The following BRIP1 variants were observed in gnomAD, a reference collection of about 807,000 sequenced individuals.
BRIP1 encodes the protein BRCA1 interacting DNA helicase 1.
Under a neutral mutation model 119.7 loss-of-function variants are expected in BRIP1, and 88 were observed. The ratio of observed to expected loss-of-function variants is 0.74; its 90% CI spans 0.62 to 0.88. The LOEUF is 0.88. BRIP1 is among the 40% of genes least tolerant of loss of function. BRIP1 has a pLI of 0.00. For missense variants in BRIP1, 1,259 were observed against 1,455.4 expected (o/e 0.87, Z 2.20); for synonymous variants, 443 against 496.5 (o/e 0.89, Z 1.43).
At chr17:61,847,876 G>C (rs1429196990) in intron 5 of BRIP1, among the ~76,000 whole-genome samples, 1 of 152,176 alleles carries the variant, frequency 6.6e-6, no homozygotes, top group East Asian at 1.9e-4. Flanking sequence ...ATGAGAACCA[G>C]TGAAGTGAGG....
rs749920386 is a variant in BRIP1, at chr17:61,859,828, C to T, written c.173G>A (p.Cys58Tyr). ...AGATTGTTGCCATGCTAAAGCAGAACAAAGTAAGGCTAAGCTTTTTCCACT... is the reference window on the plus strand; with the variant it reads ...AGATTGTTGCCATGCTAAAGCAGAATAAAGTAAGGCTAAGCTTTTTCCACT... ...TGSGKSLALL[C>Y]SALAWQQSLS... Residue 58 changes from cysteine to tyrosine, a missense_variant, in exon 3 of 20, where the codon TGT becomes TAT. Coordinates refer to ENST00000259008, the MANE Select transcript of BRIP1 (RefSeq NM_032043.3). The T allele has an allele frequency of 3.3e-5, 54 of 1,613,730 alleles. No individual in the cohort carries two copies. In the Admixed American group the frequency reaches 8.5e-4, roughly 25 times the overall value.
chr17:61,770,377 G>C lies in BRIP1; in HGVS notation c.2097+6024C>G, dbSNP rs1249560701. 6.6e-6 allele frequency among the ~76,000 whole-genome samples: 1 copy of C among 152,154 alleles called. No individual in the cohort carries two copies. Among genetic ancestry groups the C allele is most frequent in the African/African-American group, 2.4e-5 (1 of 41,438 alleles). On this transcript the variant is annotated intron_variant, in intron 14 of 19. Coordinates refer to ENST00000259008, the MANE Select transcript of BRIP1 (RefSeq NM_032043.3). This position sits in a 1 kb window ranked among gnomAD's most constrained non-coding sequence, Gnocchi z 4.7. ...AGAATAAGTTTTTAGGGACATTGGA[G>C]AGTAACTCAAGTCCACATTAAGAAT...
In BRIP1 at chr17:61,752,044, G is replaced by C. The variant is rs1027152797; in HGVS notation, c.2098-7453C>G. ...AGCCTCCCAAAGTGCCGGGATCACA[G>C]GCATGACCCACTGCGCCTGGCCAGA... On this transcript the variant is annotated intron_variant, in intron 14 of 19. Transcript: ENST00000259008. The surrounding 1 kb of genome is among the most constrained non-coding windows in gnomAD (Gnocchi z 6.2). Among the ~76,000 whole-genome samples, 6 of 152,106 alleles carry C rather than the reference G, an allele frequency of 3.9e-5. No individual in the cohort carries two copies. The highest frequency in any genetic ancestry group is 8.8e-5 in the Non-Finnish European group (6 of 68,030).
chr17:61,847,348 A>T, intron 5 of BRIP1, 128 bp from the exon 6 acceptor site: 1 of 1,015,862 alleles, frequency 9.8e-7, no homozygotes, highest in African/African-American at 1.6e-5. Flanking sequence ...TCTAACAGGC[A>T]ATAATAAAAG....
In BRIP1 at chr17:61,853,106, C is replaced by T. The variant is rs192811557; in HGVS notation, c.380-3850G>A. ...AACAACTGTAGAACAGATTAATAAA[C>T]TGTGGTATATTCATACAAGGAAATA... On this transcript the variant is annotated intron_variant, in intron 4 of 19. Coordinates refer to ENST00000259008, the MANE Select transcript of BRIP1 (RefSeq NM_032043.3). The surrounding 1 kb of genome is among the most constrained non-coding windows in gnomAD (Gnocchi z 4.3). 6.6e-6 allele frequency among the ~76,000 whole-genome samples: 1 copy of T among 152,116 alleles called. No individual in the cohort carries two copies. Among genetic ancestry groups the T allele is most frequent in the Non-Finnish European group, 1.5e-5 (1 of 68,026 alleles).
In BRIP1 at chr17:61,803,474, C is replaced by G. The variant is rs1022534705; in HGVS notation, c.919-2000G>C. On this transcript the variant is annotated intron_variant, in intron 7 of 19. Transcript: ENST00000259008. The surrounding 1 kb of genome is among the most constrained non-coding windows in gnomAD (Gnocchi z 4.3). ...TCCCAACATTTTGAGAGGCCAAGGC[C>G]GGAGGACTGCATGAGCCTAGGAGTT... Among the ~76,000 whole-genome samples the G allele has an allele frequency of 6.6e-6, 1 of 151,786 alleles. No homozygotes were observed. The highest frequency in any genetic ancestry group is 1.5e-5 in the Non-Finnish European group (1 of 67,960).
chr17:61,858,825 A>G (rs1278628562), intron 3 of BRIP1, among the ~76,000 whole-genome samples: 1 of 152,194 alleles, frequency 6.6e-6, no homozygotes, highest in Non-Finnish European at 1.5e-5. Flanking sequence ...AATGTATCCA[A>G]TATTATATTT....
intron 6 of BRIP1, among the ~76,000 whole-genome samples, chr17:61,820,931 C>T (rs1028562940): frequency 1.4e-5 from 2 of 143,004 alleles, no homozygotes; most frequent in East Asian, 2.0e-4. Flanking sequence ...GCCTGGGCAA[C>T]GAAGCGAGAC....
chr17:61,727,339 G>A (rs1484377423), intron 16 of BRIP1, among the ~76,000 whole-genome samples: 1 of 152,092 alleles, frequency 6.6e-6, no homozygotes, highest in Admixed American at 6.6e-5. Context: ...AAGCAAGAGC[G>A]AGCATGTACA....
Position 61,808,521 on chromosome 17 carries a change from T to C in BRIP1, c.864A>G (p.Val288=), listed in dbSNP as rs748545827. The change falls in exon 7 of 20, where the codon GTA becomes GTG. Residue 288 remains valine (V), a synonymous_variant. Coordinates refer to ENST00000259008, the MANE Select transcript of BRIP1 (RefSeq NM_032043.3). This position sits in a 1 kb window ranked among gnomAD's most constrained non-coding sequence, Gnocchi z 4.1. ...TCTCATTTCTGTTGAAGTTACCGAC[T>C]ACCTCAGGATGGACACAAGTATGAT... is the stretch of plus-strand genomic sequence containing the variant. The part of the protein sequence containing the change: ...SRDHTCVHPE[V]VGNFNRNEKC... 3 of 1,613,808 alleles carry C rather than the reference T, an allele frequency of 1.9e-6. No homozygotes were observed. Among genetic ancestry groups the C allele is most frequent in the Non-Finnish European group, 2.5e-6 (3 of 1,179,678 alleles).
At chr17:61,782,388 GAAAAAAAA>G (rs10661242) in intron 11 of BRIP1, among the ~76,000 whole-genome samples, 1 of 113,054 alleles carries the variant, frequency 8.8e-6, no homozygotes, top group African/African-American at 3.5e-5. Flanking sequence ...TCCCGTCTCA[GAAAAAAAA>G]AAAAAAAAAG....
intron 6 of BRIP1, among the ~76,000 whole-genome samples, chr17:61,829,952 G>A (rs1473161511): frequency 2.0e-5 from 3 of 147,566 alleles, no homozygotes; most frequent in Admixed American, 1.3e-4. Flanking sequence ...TTTTTTTTGA[G>A]ACGGAGTTTC....
chr17:61,781,087 C>T (rs2077613856), intron 11 of BRIP1, 82 bp from the exon 12 acceptor site: 2 of 1,296,782 alleles, frequency 1.5e-6, no homozygotes, highest in Non-Finnish European at 2.2e-6. Flanking sequence ...AAACTGATTA[C>T]ATTAAAACTC....
Position 61,807,198 on chromosome 17 carries a change from T to C in BRIP1, c.918+1269A>G, listed in dbSNP as rs1350522051. ...GCATGAAATTCATGGAGTTTTACCATAAAGAGCTTTATTTTATTATTTTTG... is the reference window on the plus strand; with the variant it reads ...GCATGAAATTCATGGAGTTTTACCACAAAGAGCTTTATTTTATTATTTTTG... On this transcript the variant is annotated intron_variant, in intron 7 of 19. Transcript: ENST00000259008. The surrounding 1 kb of genome is among the most constrained non-coding windows in gnomAD (Gnocchi z 4.5). Among the ~76,000 whole-genome samples the C allele has an allele frequency of 6.6e-6, 1 of 152,244 alleles. No individual in the cohort carries two copies. Among genetic ancestry groups the C allele is most frequent in the Non-Finnish European group, 1.5e-5 (1 of 68,036 alleles).
rs2078831696 is a variant in BRIP1, at chr17:61,852,208, T to C, written c.380-2952A>G. 6.6e-6 allele frequency among the ~76,000 whole-genome samples: 1 copy of C among 152,170 alleles called. No individual in the cohort carries two copies. The highest frequency in any genetic ancestry group is 2.1e-4 in the South Asian group (1 of 4,828). On this transcript the variant is annotated intron_variant, in intron 4 of 19. Transcript: ENST00000259008. The surrounding 1 kb of genome is among the most constrained non-coding windows in gnomAD (Gnocchi z 4.9). Reference sequence around the variant, plus strand: ...CCCCAATTCATAAAAATAAAAATCATATTATCATCACATACAAAAAGGCTT... The same window carrying C: ...CCCCAATTCATAAAAATAAAAATCACATTATCATCACATACAAAAAGGCTT...
chr17:61,715,895 A>G (rs970502308), intron 17 of BRIP1, 56 bp downstream of exon 17: 5 of 1,168,092 alleles, frequency 4.3e-6, no homozygotes, highest in African/African-American at 1.5e-5. Context: ...GCAAGACTAG[A>G]TTTATATATA....
chr17:61,849,350 C>G (rs2145769241), intron 4 of BRIP1, 94 bp from the exon 5 acceptor site: 1 of 1,046,854 alleles, frequency 9.6e-7, no homozygotes, highest in South Asian at 1.4e-5. Flanking sequence ...AGGCTTATTT[C>G]TAGAAATTTC....
Position 61,799,421 on chromosome 17 carries a change from AAC to A in BRIP1, c.1141-124_1141-123del. On this transcript the variant is annotated intron_variant, in intron 8 of 19. Transcript: ENST00000259008. The surrounding 1 kb of genome is among the most constrained non-coding windows in gnomAD (Gnocchi z 5.1). ...ATATTGCAAATGCAATTACATAAGCAACAGAGATTCTAGGTCTTAAATAAAAC... is the reference window on the plus strand; with the variant it reads ...ATATTGCAAATGCAATTACATAAGCAAGAGATTCTAGGTCTTAAATAAAAC... The A allele has an allele frequency of 8.2e-6, 5 of 609,674 alleles. No individual in the cohort carries two copies. In the South Asian group the frequency reaches 9.6e-5, roughly 12 times the overall value. The allele number at this position is 609,674 out of a possible 1,614,324, so 37.8% of individuals were successfully genotyped here.
Position 61,752,900 on chromosome 17 carries a change from C to T in BRIP1, c.2098-8309G>A, listed in dbSNP as rs1190390660. On this transcript the variant is annotated intron_variant, in intron 14 of 19. Transcript: ENST00000259008. The surrounding 1 kb of genome is among the most constrained non-coding windows in gnomAD (Gnocchi z 6.2). ...AGGTGCTCTGTAGGTATATGATTAG[C>T]CCAAATATGATTACAGTACCTGCTA... Among the ~76,000 whole-genome samples, 1 of 152,102 alleles carries T rather than the reference C, an allele frequency of 6.6e-6. No homozygotes were observed. The highest frequency in any genetic ancestry group is 6.6e-5 in the Admixed American group (1 of 15,258).
Sources: allele counts gnomAD v4.1 joint callset (sites outside exome capture counted in the v4.1 genomes callset), GRCh38; gene constraint gnomAD v4.1.1; non-coding constraint Gnocchi (gnomAD v3.1); transcripts MANE v1.5; gene names NCBI Gene and HGNC (gene_info 2026-07-23, HGNC 2026-07-21).